The following ADCY7 variants were observed in gnomAD, a reference collection of about 807,000 sequenced individuals.
ADCY7 encodes the protein adenylate cyclase type 7.
Under a neutral mutation model 120.6 loss-of-function variants are expected in ADCY7, and 72 were observed. That is an observed-to-expected ratio of 0.60 (90% CI 0.49 to 0.73). The LOEUF (loss-of-function observed/expected upper bound fraction) is 0.73. Ranked by LOEUF, ADCY7 falls within the 30% of genes least tolerant of loss-of-function variation. ADCY7 has a pLI of 0.00. For synonymous variants in ADCY7, 661 were observed against 628.0 expected (o/e 1.05, Z -0.78); for missense variants, 1,227 against 1,486.0 (o/e 0.83, Z 2.87).
At chr16:50,291,434 G>A (rs1030921211) in intron 3 of ADCY7, among the ~76,000 whole-genome samples, 2 of 152,142 alleles carry the variant, frequency 1.3e-5, no homozygotes, top group African/African-American at 2.4e-5. Flanking sequence ...TCTGCTGAGC[G>A]AGAACCACGT....
At chr16:50,278,143 G>T (rs549356999) in intron 1 of ADCY7, among the ~76,000 whole-genome samples, 173 of 151,896 alleles carry the variant, frequency 1.1e-3, no homozygotes, top group Non-Finnish European at 2.0e-3. Flanking sequence ...GAGTTCAAGC[G>T]ATTCTCGTGC....
chr16:50,275,090 T>TCC (rs1312826008), intron 1 of ADCY7, among the ~76,000 whole-genome samples: 1 of 152,178 alleles, frequency 6.6e-6, no homozygotes, highest in Non-Finnish European at 1.5e-5. Context: ...TGCTTGCTTT[T>TCC]CCCCAGGGCA....
rs1442202645 is a variant in ADCY7 at position 50,309,633 on chromosome 16, G to A, written c.2147G>A (p.Cys716Tyr). The part of the protein sequence containing the change: ...LAASSKTRAL[C>Y]EPLPYYTCSC... ...GCGAGCAGCAAGACAAGAGCCCTGT[G>A]TGAGCCCCTCCCGGTGAGTGCGCCG... is the stretch of plus-strand genomic sequence containing the variant. Residue 716 changes from cysteine (C) to tyrosine (Y), a missense_variant, in exon 18 of 26, where the codon TGT becomes TAT. By Grantham distance (194) the Cys-to-Tyr change is radical (BLOSUM62 -2). Transcript: ENST00000673801. 3.7e-6 allele frequency: 6 copies of A among 1,610,544 alleles called. No homozygotes were observed. In the African/African-American group the frequency reaches 4.0e-5, roughly 11 times the overall value.
At chr16:50,278,733 T>G (rs1191501604) in intron 1 of ADCY7, among the ~76,000 whole-genome samples, 2 of 152,220 alleles carry the variant, frequency 1.3e-5, no homozygotes, top group Admixed American at 1.3e-4. Context: ...TGCTGTCTTG[T>G]GGATGCTGCC....
In ADCY7 at chr16:50,291,435, A is replaced by G. The variant is rs552733528; in HGVS notation, c.376-301A>G. On this transcript the variant is annotated intron_variant, in intron 3 of 25. Transcript: ENST00000673801. ...TCCCGGTAATCATTTCTGCTGAGCG[A>G]GAACCACGTGGCAGGGGCACCAGGT... 1.0e-3 allele frequency among the ~76,000 whole-genome samples: 153 copies of G among 152,224 alleles called. 3 individuals are homozygous for G. Among genetic ancestry groups the G allele is most frequent in the East Asian group, 5.4e-3 (28 of 5,146 alleles).
At chr16:50,280,374 CAA>C (rs35353793) in intron 1 of ADCY7, among the ~76,000 whole-genome samples, 132 of 135,640 alleles carry the variant, frequency 9.7e-4, no homozygotes, top group African/African-American at 3.2e-3. Flanking sequence ...TTAATTTTTT[CAA>C]AAAAAAAAAA....
At chr16:50,314,122 C>A (rs2036643642) in intron 23 of ADCY7, 60 bp downstream of exon 23, 1 of 1,538,250 alleles carries the variant, frequency 6.5e-7, no homozygotes, top group Non-Finnish European at 9.0e-7. Flanking sequence ...TGACCTGTCA[C>A]CTTACTTAAA....
At chr16:50,300,047 G>A (rs1435570900) in intron 8 of ADCY7, among the ~76,000 whole-genome samples, 3 of 152,094 alleles carry the variant, frequency 2.0e-5, no homozygotes, top group Non-Finnish European at 4.4e-5. Context: ...GTTTTGGGTG[G>A]TTCCTGGACC....
chr16:50,308,901 G>A, intron 17 of ADCY7, 109 bp downstream of exon 17: 1 of 1,376,374 alleles, frequency 7.3e-7, no homozygotes, highest in Middle Eastern at 2.0e-4. Flanking sequence ...TCTCCCCCGA[G>A]CTCAGCAGGT....
At chr16:50,250,793 G>T (rs1465882013) in intron 1 of ADCY7, among the ~76,000 whole-genome samples, 2 of 152,122 alleles carry the variant, frequency 1.3e-5, no homozygotes, top group African/African-American at 4.8e-5. Flanking sequence ...TTGGAAATTT[G>T]CAAGGCTAAA....
intron 22 of ADCY7, 195 bp downstream of exon 22, chr16:50,313,231 A>G (rs555679946): frequency 5.5e-5 from 32 of 580,292 alleles, no homozygotes; most frequent in African/African-American, 5.5e-4. Context: ...AGCCTGGCCA[A>G]CATGGCGAAA....
intron 7 of ADCY7, among the ~76,000 whole-genome samples, chr16:50,295,981 C>T (rs750037680): frequency 6.6e-6 from 1 of 152,190 alleles, no homozygotes; most frequent in Non-Finnish European, 1.5e-5. Context: ...GCTCCCTATC[C>T]TGGCTGTACA....
chr16:50,304,573 AAAGCCAGGGATTGGGGCCCC>A lies in ADCY7; in HGVS notation c.1560+31_1560+50del, dbSNP rs754816793. The A allele has an allele frequency of 5.1e-5, 77 of 1,518,098 alleles. No individual in the cohort carries two copies. In the Middle Eastern group the frequency reaches 1.8e-3, roughly 35 times the overall value. The allele number at this position is 1,518,098 out of a possible 1,614,324, so 94.0% of individuals were successfully genotyped here. The stretch of plus-strand genomic sequence containing the variant: ...TAAGGTAGGTCCCCCTCCCACCCAG[AAAGCCAGGGATTGGGGCCCC>A]AAGCCAGGAGCAGGAGAGTGAGTGC... On this transcript the variant is annotated intron_variant, in intron 11 of 25. Transcript: ENST00000673801.
intron 13 of ADCY7, 54 bp from the exon 14 acceptor site, chr16:50,305,723 A>T: frequency 2.6e-6 from 4 of 1,528,238 alleles, no homozygotes; most frequent in Non-Finnish European, 3.6e-6. Context: ...CCACCTCCTG[A>T]GGGAATGGAC....
intron 3 of ADCY7, 133 bp from the exon 4 acceptor site, chr16:50,291,603 G>A (rs1210401729): frequency 1.1e-6 from 1 of 938,140 alleles, no homozygotes; most frequent in Non-Finnish European, 1.6e-6. Context: ...TTGTATGTCT[G>A]CCCACGCAGG....
intron 1 of ADCY7, among the ~76,000 whole-genome samples, chr16:50,278,319 G>A (rs906419262): frequency 2.6e-5 from 4 of 152,212 alleles, no homozygotes; most frequent in African/African-American, 9.6e-5. Context: ...AAGATTACAG[G>A]CGTGAGCCAC....
At chr16:50,252,264 C>G (rs1228471017) in intron 1 of ADCY7, among the ~76,000 whole-genome samples, 2 of 152,182 alleles carry the variant, frequency 1.3e-5, no homozygotes, top group African/African-American at 4.8e-5. Context: ...TGGGACTTGT[C>G]AGTGTTGAGC....
intron 1 of ADCY7, among the ~76,000 whole-genome samples, chr16:50,249,409 C>T (rs1305593678): frequency 6.6e-6 from 1 of 152,082 alleles, no homozygotes; most frequent in African/African-American, 2.4e-5. Context: ...CACTGCACTC[C>T]AGCTTGCTCT....
At chr16:50,294,557 G>A (rs1176255056) in intron 6 of ADCY7, 83 bp from the exon 7 acceptor site, 11 of 924,202 alleles carry the variant, frequency 1.2e-5, no homozygotes, top group Non-Finnish European at 1.8e-5. Flanking sequence ...GGCTCCTGGG[G>A]CTCCAGACAG....
Sources: allele counts gnomAD v4.1 joint callset (sites outside exome capture counted in the v4.1 genomes callset), GRCh38; gene constraint gnomAD v4.1.1; transcripts MANE v1.5; gene names NCBI Gene and HGNC (gene_info 2026-07-23, HGNC 2026-07-21).